The following KLHL1 variants were observed in gnomAD, a reference collection of about 807,000 sequenced individuals.
KLHL1 encodes the protein kelch like family member 1, also known as kelch-like protein 1.
KLHL1 carries 47 observed loss-of-function variants against 77.7 expected under a neutral mutation model. The ratio of observed to expected loss-of-function variants is 0.60; its 90% confidence interval spans 0.48 to 0.77. KLHL1 has a LOEUF of 0.77. KLHL1 is among the 30% of genes least tolerant of loss of function. KLHL1 has a pLI of 0.00. For missense variants in KLHL1, 925 were observed against 910.8 expected (o/e 1.02, Z -0.20); for synonymous variants, 360 against 325.2 (o/e 1.11, Z -1.15).
At chr13:69,758,319 G>T (rs1874862067) in intron 7 of KLHL1, among the ~76,000 whole-genome samples, 1 of 151,812 alleles carries the variant, frequency 6.6e-6, no homozygotes, top group Non-Finnish European at 1.5e-5. Flanking sequence ...ATTTAATCCT[G>T]GTCAGCTTTT....
intron 4 of KLHL1, among the ~76,000 whole-genome samples, chr13:69,937,084 G>T (rs1883209587): frequency 1.3e-5 from 2 of 152,108 alleles, no homozygotes; most frequent in South Asian, 4.1e-4. Context: ...TGTTCCACGT[G>T]TGTCCCCCAA....
At chr13:69,804,713 G>T (rs944941838) in intron 6 of KLHL1, among the ~76,000 whole-genome samples, 2 of 152,048 alleles carry the variant, frequency 1.3e-5, no homozygotes, top group Non-Finnish European at 2.9e-5. Context: ...ATCACTTATG[G>T]TTATTAAACA....
At chr13:70,105,434 CTT>C (rs928666084) in intron 1 of KLHL1, among the ~76,000 whole-genome samples, 2 of 151,432 alleles carry the variant, frequency 1.3e-5, no homozygotes, top group African/African-American at 4.8e-5. Context: ...ATAAAGTAAA[CTT>C]TAAGAAAATA....
At chr13:70,079,455 A>G (rs1159621854) in intron 1 of KLHL1, among the ~76,000 whole-genome samples, 1 of 152,180 alleles carries the variant, frequency 6.6e-6, no homozygotes, top group Non-Finnish European at 1.5e-5. Flanking sequence ...CATGATGCCT[A>G]TTTCATTTTC....
At chr13:69,858,622 T>C (rs2138147302) in intron 5 of KLHL1, among the ~76,000 whole-genome samples, 1 of 152,184 alleles carries the variant, frequency 6.6e-6, no homozygotes, top group African/African-American at 2.4e-5. Context: ...TACAAGTTTT[T>C]TTCTGAACTA....
chr13:70,096,481 T>G (rs1887791933), intron 1 of KLHL1, among the ~76,000 whole-genome samples: 1 of 152,048 alleles, frequency 6.6e-6, no homozygotes, highest in African/African-American at 2.4e-5. Context: ...TTTTGGCCAC[T>G]TGTATGTCTT....
At chr13:70,083,573 A>C (rs891561525) in intron 1 of KLHL1, among the ~76,000 whole-genome samples, 19 of 152,208 alleles carry the variant, frequency 1.2e-4, no homozygotes, top group African/African-American at 4.6e-4. Context: ...AATATTGTGA[A>C]GATAACTACA....
chr13:69,992,607 A>G (rs1013984295), intron 1 of KLHL1, among the ~76,000 whole-genome samples: 1 of 152,032 alleles, frequency 6.6e-6, no homozygotes, highest in Non-Finnish European at 1.5e-5. Flanking sequence ...CTAGAAAATA[A>G]TTAGTCTGGA....
chr13:70,079,950 C>T (rs1376152732), intron 1 of KLHL1, among the ~76,000 whole-genome samples: 1 of 152,100 alleles, frequency 6.6e-6, no homozygotes. Context: ...TGCTGATCGC[C>T]AGTGCAGGTT....
In KLHL1 at chr13:69,734,622, G is replaced by A. The variant is rs188116404; in HGVS notation, c.1802+5772C>T. On this transcript the variant is annotated intron_variant, in intron 8 of 10. Coordinates refer to ENST00000377844, the MANE Select transcript of KLHL1 (RefSeq NM_020866.3). Reference sequence around the variant, plus strand: ...AAACCATATAATGACACTGGCAAATGCTATGACAAGATGAAATTAGTGATA... The same window carrying A: ...AAACCATATAATGACACTGGCAAATACTATGACAAGATGAAATTAGTGATA... Among the ~76,000 whole-genome samples the A allele has an allele frequency of 2.0e-3, 299 of 152,104 alleles. 1 individual carries two copies. The highest frequency in any genetic ancestry group is 6.4e-3 in the African/African-American group (264 of 41,510).
At chr13:69,888,991 T>C (rs1881324988) in intron 4 of KLHL1, among the ~76,000 whole-genome samples, 1 of 151,896 alleles carries the variant, frequency 6.6e-6, no homozygotes, top group Non-Finnish European at 1.5e-5. Context: ...GAGTTATAAA[T>C]AAAATCCAGG....
chr13:69,957,041 G>A (rs775089514), intron 3 of KLHL1, among the ~76,000 whole-genome samples: 9 of 151,470 alleles, frequency 5.9e-5, no homozygotes, highest in African/African-American at 1.7e-4. Flanking sequence ...TGAGGATGAC[G>A]CATGCAATAA....
Position 69,855,200 on chromosome 13 carries a change from T to TCTA in KLHL1, c.1228-16041_1228-16039dup, listed in dbSNP as rs1879838172. Among the ~76,000 whole-genome samples the TCTA allele has an allele frequency of 2.0e-5, 3 of 152,066 alleles. No homozygotes were observed. In the South Asian group the frequency reaches 6.2e-4, roughly 32 times the overall value. ...TAGTCAAGAACCATAAAACAGACTG[T>TCTA]CTACTAGTTAGAGTGTAGAAAGACT... On this transcript the variant is annotated intron_variant, in intron 5 of 10. Transcript: ENST00000377844.
chr13:69,823,322 C>T (rs1264159538), intron 6 of KLHL1, among the ~76,000 whole-genome samples: 1 of 152,036 alleles, frequency 6.6e-6, no homozygotes, highest in East Asian at 1.9e-4. Context: ...CTTAATTACC[C>T]TACTAAAGTT....
At position 69,774,561 on chromosome 13, in the gene KLHL1, A is replaced by G. The variant is rs568789437; in HGVS notation, c.1639+22177T>C. ...CTTTCCTTTTATCTCAAAGTTTAAA[A>G]TGCAGTGTGAATCTAAATGATTAAA... On this transcript the variant is annotated intron_variant, in intron 7 of 10. Transcript: ENST00000377844. Among the ~76,000 whole-genome samples the G allele has an allele frequency of 3.9e-5, 6 of 152,190 alleles. 1 individual carries two copies. Among genetic ancestry groups the G allele is most frequent in the South Asian group, 4.1e-4 (2 of 4,828 alleles).
chr13:69,752,753 G>C (rs1874541533), intron 7 of KLHL1, among the ~76,000 whole-genome samples: 2 of 152,140 alleles, frequency 1.3e-5, no homozygotes, highest in African/African-American at 4.8e-5. Context: ...GTCATTTTAA[G>C]TGAAAGGAAT....
chr13:69,818,348 G>GT (rs570698715), intron 6 of KLHL1, among the ~76,000 whole-genome samples: 2 of 151,142 alleles, frequency 1.3e-5, no homozygotes, highest in Non-Finnish European at 2.9e-5. Context: ...AGCCTCCTGA[G>GT]TAGCTGGGAT....
chr13:69,847,291 T>G (rs1879502015), intron 5 of KLHL1, among the ~76,000 whole-genome samples: 1 of 151,360 alleles, frequency 6.6e-6, no homozygotes, highest in East Asian at 1.9e-4. Context: ...CCTTCTAAAA[T>G]ATCATTTAAG....
At chr13:69,831,586 G>A (rs1451141781) in intron 6 of KLHL1, among the ~76,000 whole-genome samples, 1 of 149,830 alleles carries the variant, frequency 6.7e-6, no homozygotes, top group Non-Finnish European at 1.5e-5. Context: ...AGAATCCTCT[G>A]TAAATCATTC....
Sources: allele counts gnomAD v4.1 joint callset (sites outside exome capture counted in the v4.1 genomes callset), GRCh38; gene constraint gnomAD v4.1.1; transcripts MANE v1.5; gene names NCBI Gene and HGNC (gene_info 2026-07-23, HGNC 2026-07-21).